MSRB3: variants seen among roughly 807,000 people sequenced by gnomAD.
MSRB3 encodes methionine-R-sulfoxide reductase B3.
Under a neutral mutation model 21.0 loss-of-function variants are expected in MSRB3, and 13 were observed. That is an observed-to-expected ratio of 0.62 (90% CI 0.40 to 0.98). The LOEUF is 0.98. Ranked by LOEUF, MSRB3 falls within the 50% of genes least tolerant of loss-of-function variation. MSRB3 has a pLI of 0.00. For synonymous variants in MSRB3, 87 were observed against 88.6 expected, an observed-to-expected ratio of 0.98 and a Z score of 0.10; for missense variants, 199 against 230.3, an observed-to-expected ratio of 0.86 and a Z score of 0.88.
intron 5 of MSRB3, among the ~76,000 whole-genome samples, chr12:65,389,498 G>C (rs1879362151): frequency 6.6e-6 from 1 of 151,962 alleles, no homozygotes. Context: ...TTAGCTCCCT[G>C]GTAATGCCCT....
chr12:65,311,617 G>C (rs12300907), intron 2 of MSRB3, among the ~76,000 whole-genome samples: 6,391 of 152,080 alleles, frequency 0.042, 438 homozygotes, highest in African/African-American at 0.15. Flanking sequence ...GGGAAGAGAA[G>C]AGGCCAAAAT....
chr12:65,368,109 C>G (rs1878117026), intron 4 of MSRB3, among the ~76,000 whole-genome samples: 1 of 152,108 alleles, frequency 6.6e-6, no homozygotes, highest in Non-Finnish European at 1.5e-5. Context: ...CTTTGGAACC[C>G]TGGCATAATT....
chr12:65,329,174 A>G (rs1875248514), intron 4 of MSRB3, among the ~76,000 whole-genome samples: 1 of 152,228 alleles, frequency 6.6e-6, no homozygotes, highest in Non-Finnish European at 1.5e-5. Context: ...CAGGCAGCAC[A>G]CTGGACTTTC....
intron 5 of MSRB3, among the ~76,000 whole-genome samples, chr12:65,416,039 T>C (rs1489703350): frequency 6.6e-6 from 1 of 152,230 alleles, no homozygotes; most frequent in Non-Finnish European, 1.5e-5. Context: ...GTGGACAAAG[T>C]TCACTATATA....
At chr12:65,459,962 G>C (rs6581638) in intron 6 of MSRB3, among the ~76,000 whole-genome samples, 76,134 of 152,028 alleles carry the variant, frequency 0.5, 20,026 homozygotes, top group African/African-American at 0.67. Flanking sequence ...ATAAAGGATT[G>C]TTGTGAGAAT....
rs114599774 is a variant in MSRB3, at chr12:65,381,011, G to A, written c.292+11985G>A. Among the ~76,000 whole-genome samples the A allele has an allele frequency of 2.7e-3, 415 of 152,108 alleles. 1 individual carries two copies. Among genetic ancestry groups the A allele is most frequent in the African/African-American group, 9.4e-3 (389 of 41,486 alleles). On this transcript the variant is annotated intron_variant, in intron 5 of 6. Transcript: ENST00000308259. ...TTTCTCCCCCTCCAAGTAGTTACTCGGATTCAGTAGTCTGTTGAGAAATAG... is the reference window on the plus strand; with the variant it reads ...TTTCTCCCCCTCCAAGTAGTTACTCAGATTCAGTAGTCTGTTGAGAAATAG...
chr12:65,436,873 A>T (rs538715628), intron 5 of MSRB3, among the ~76,000 whole-genome samples: 1 of 151,958 alleles, frequency 6.6e-6, no homozygotes, highest in Non-Finnish European at 1.5e-5. Flanking sequence ...TTGGATTTAC[A>T]TGCCAACTTC....
chr12:65,385,198 T>G (rs1879145446), intron 5 of MSRB3, among the ~76,000 whole-genome samples: 2 of 152,220 alleles, frequency 1.3e-5, no homozygotes, highest in Middle Eastern at 3.4e-3. Flanking sequence ...GGGTTTTATT[T>G]GGTGGGAGAA....
At chr12:65,411,770 TATA>T (rs1880727212) in intron 5 of MSRB3, among the ~76,000 whole-genome samples, 1 of 148,958 alleles carries the variant, frequency 6.7e-6, no homozygotes, top group Non-Finnish European at 1.5e-5. Flanking sequence ...TATACTAAAA[TATA>T]ATATGTGTAA....
At chr12:65,402,377 A>T (rs190056057) in intron 5 of MSRB3, among the ~76,000 whole-genome samples, 1 of 152,154 alleles carries the variant, frequency 6.6e-6, no homozygotes, top group Non-Finnish European at 1.5e-5. Context: ...TCAGTCACTG[A>T]TATCTTTTCT....
intron 5 of MSRB3, among the ~76,000 whole-genome samples, chr12:65,405,803 G>A (rs896517155): frequency 1.3e-5 from 2 of 151,918 alleles, no homozygotes; most frequent in Admixed American, 6.6e-5. Flanking sequence ...ATCTCTTTGT[G>A]GTTTGGGTTT....
intron 4 of MSRB3, among the ~76,000 whole-genome samples, chr12:65,353,100 T>C (rs1371319866): frequency 2.6e-5 from 4 of 152,160 alleles, no homozygotes; most frequent in Admixed American, 2.0e-4. Flanking sequence ...CAGTTTGTTA[T>C]AATTTCTATT....
At chr12:65,341,854 T>C (rs1408111452) in intron 4 of MSRB3, among the ~76,000 whole-genome samples, 1 of 152,020 alleles carries the variant, frequency 6.6e-6, no homozygotes, top group Non-Finnish European at 1.5e-5. Context: ...AGGAAAAATA[T>C]AATCATTTTA....
At chr12:65,304,151 C>T (rs1444378487) in intron 1 of MSRB3, among the ~76,000 whole-genome samples, 3 of 152,084 alleles carry the variant, frequency 2.0e-5, no homozygotes, top group East Asian at 3.8e-4. Context: ...CCAATTGAGA[C>T]GAAGTTAAGC....
intron 1 of MSRB3, among the ~76,000 whole-genome samples, chr12:65,297,196 G>A (rs1169410981): frequency 1.3e-5 from 2 of 151,922 alleles, no homozygotes; most frequent in Non-Finnish European, 2.9e-5. Flanking sequence ...AGGGAGGGAG[G>A]CAACACACAA....
At chr12:65,354,827 T>C (rs1253340081) in intron 4 of MSRB3, among the ~76,000 whole-genome samples, 3 of 151,816 alleles carry the variant, frequency 2.0e-5, no homozygotes, top group Non-Finnish European at 4.4e-5. Context: ...ATTTTGAAGA[T>C]GTTAGGATAC....
chr12:65,381,966 A>G (rs1192961335), intron 5 of MSRB3, among the ~76,000 whole-genome samples: 2 of 152,094 alleles, frequency 1.3e-5, no homozygotes, highest in African/African-American at 4.8e-5. Flanking sequence ...AATTGACATT[A>G]TATTTTCACA....
At position 65,419,827 on chromosome 12, in the gene MSRB3, C is replaced by T. The variant is rs188993265; in HGVS notation, c.293-33901C>T. 1,339 of 792,106 alleles carry T rather than the reference C, an allele frequency of 1.7e-3. 29 individuals are homozygous for T. The East Asian group carries it at 0.031, about 18-fold the overall frequency. The allele number at this position is 792,106 out of a possible 1,614,324, so 49.1% of individuals were successfully genotyped here. ...CCTGCCAGACCCCTAGCCATCCCTC[C>T]GGCCAGGCCCCTGGACCCCAAGCAG... is the stretch of plus-strand genomic sequence containing the variant. On this transcript the variant is annotated intron_variant, in intron 5 of 6. Transcript: ENST00000308259.
intron 2 of MSRB3, among the ~76,000 whole-genome samples, chr12:65,321,378 A>G (rs115810316): frequency 1.7e-3 from 252 of 152,306 alleles, no homozygotes; most frequent in African/African-American, 5.8e-3. Context: ...TAAACACTCA[A>G]CATTTTTGAT....
Sources: allele counts gnomAD v4.1 joint callset (sites outside exome capture counted in the v4.1 genomes callset), GRCh38; gene constraint gnomAD v4.1.1; transcripts MANE v1.5; gene names NCBI Gene and HGNC (gene_info 2026-07-23, HGNC 2026-07-21).